PLD1: variants seen among roughly 807,000 people sequenced by gnomAD.
PLD1 encodes choline phosphatase 1.
In PLD1, 112 loss-of-function variants were observed where a neutral mutation model predicts 137.1. That is an observed-to-expected ratio of 0.82 (90% CI 0.70 to 0.96). The LOEUF is 0.96. PLD1 is among the 40% of genes least tolerant of loss of function. The pLI is 0.00. For missense variants in PLD1, 1,321 were observed against 1,342.0 expected (o/e 0.98, Z 0.24); for synonymous variants, 431 against 454.7 (o/e 0.95, Z 0.66).
intron 21 of PLD1, among the ~76,000 whole-genome samples, chr3:171,646,885 G>C (rs1046502419): frequency 1.3e-5 from 2 of 152,166 alleles, no homozygotes; most frequent in Non-Finnish European, 1.5e-5. Flanking sequence ...TTGTTCAGAG[G>C]TACACCTTCC....
At chr3:171,700,851 T>C (rs1716182911) in intron 11 of PLD1, among the ~76,000 whole-genome samples, 1 of 152,188 alleles carries the variant, frequency 6.6e-6, no homozygotes, top group Admixed American at 6.5e-5. Context: ...ATTTTTCCCC[T>C]GGGGCTGGGT....
At chr3:171,610,307 T>A (rs1407635688) in intron 25 of PLD1, among the ~76,000 whole-genome samples, 1 of 152,188 alleles carries the variant, frequency 6.6e-6, no homozygotes, top group Non-Finnish European at 1.5e-5. Flanking sequence ...CTCGATGACA[T>A]GGAAAATGTG....
intron 18 of PLD1, 69 bp from the exon 19 acceptor site, chr3:171,674,682 T>C (rs999657961): frequency 2.2e-5 from 20 of 928,604 alleles, no homozygotes; most frequent in Middle Eastern, 5.0e-4. Flanking sequence ...TTTGTGATTA[T>C]AAAAGAAATT....
rs200819903 is a variant in PLD1, at chr3:171,738,099, C to T, written c.-31-17G>A. ...GCAAAGGGGCTAGGAAAGAAGAAAA[C>T]GGTTACAAAGACTTAGCATTTTGAT... On this transcript the variant is annotated splice_polypyrimidine_tract_variant and intron_variant, in intron 1 of 26. Coordinates refer to ENST00000351298, the MANE Select transcript of PLD1 (RefSeq NM_002662.5). 109 of 1,469,090 alleles carry T rather than the reference C, an allele frequency of 7.4e-5. No individual in the cohort carries two copies. The South Asian group carries it at 9.1e-4, about 12-fold the overall frequency. The allele number at this position is 1,469,090 out of a possible 1,614,324, so 91.0% of individuals were successfully genotyped here. A position where few individuals can be genotyped will look rare whatever the true frequency, so the allele number is the denominator to read the frequency against.
intron 1 of PLD1, among the ~76,000 whole-genome samples, chr3:171,764,924 GGAAAGAAAGGAAAGAAAGAAA>G (rs1440205256): frequency 0.036 from 737 of 20,440 alleles, 97 homozygotes; most frequent in African/African-American, 0.091. Context: ...AAGAAAGAAA[GGAAAGAAAGGAAAGAAAGAAA>G]GAAAGAAAGA....
intron 21 of PLD1, among the ~76,000 whole-genome samples, chr3:171,652,485 G>A (rs1736865480): frequency 6.6e-6 from 1 of 151,122 alleles, no homozygotes; most frequent in Non-Finnish European, 1.5e-5. Context: ...AGCCCAACAT[G>A]TCTTTTCAGT....
chr3:171,642,885 T>G lies in PLD1; in HGVS notation c.2548A>C (p.Met850Leu). 6.3e-7 allele frequency: 1 copy of G among 1,578,634 alleles called. No homozygotes were observed. Reference sequence around the variant, plus strand: ...AGGATGGAATTTTCTCCTCTGCACATGGTTCTGAAAATATGTAAAGGAGAA... The same window carrying G: ...AGGATGGAATTTTCTCCTCTGCACAGGGTTCTGAAAATATGTAAAGGAGAA... ...QAIMHFNYRTMCRGENSILGQ... is the reference protein window; with the variant it reads ...QAIMHFNYRTLCRGENSILGQ... Residue 850 changes from methionine (M) to leucine (L), a missense_variant, in exon 23 of 27, where the codon ATG becomes CTG. By Grantham distance (15) the Met-to-Leu change is conservative. Transcript: ENST00000351298.
At chr3:171,742,720 A>G (rs536192420) in intron 1 of PLD1, among the ~76,000 whole-genome samples, 1 of 152,352 alleles carries the variant, frequency 6.6e-6, no homozygotes, top group Admixed American at 6.5e-5. Context: ...CAGCAACTCT[A>G]TATCTGGAAC....
chr3:171,690,982 G>A (rs945974841), intron 13 of PLD1, among the ~76,000 whole-genome samples: 10 of 151,902 alleles, frequency 6.6e-5, no homozygotes, highest in African/African-American at 1.9e-4. Flanking sequence ...CATATATTTC[G>A]ATTATCTGTT....
chr3:171,612,501 C>T lies in PLD1; in HGVS notation c.2729-69G>A. On this transcript the variant is annotated intron_variant, in intron 24 of 26. Coordinates refer to ENST00000351298, the MANE Select transcript of PLD1 (RefSeq NM_002662.5). This position sits in a 1 kb window ranked among gnomAD's most constrained non-coding sequence, Gnocchi z 4.1. ...CAGACACTGTTGGTTGCCCTCCCAA[C>T]TCAATTCATCCTTGCAAACAAAACC... is the stretch of plus-strand genomic sequence containing the variant. The T allele has an allele frequency of 5.6e-6, 8 of 1,423,802 alleles. No individual in the cohort carries two copies. The highest frequency in any genetic ancestry group is 1.7e-5 in the Admixed American group (1 of 57,906). The allele number at this position is 1,423,802 out of a possible 1,614,324, so 88.2% of individuals were successfully genotyped here. A position where few individuals can be genotyped will look rare whatever the true frequency, so the allele number is the denominator to read the frequency against.
intron 5 of PLD1, among the ~76,000 whole-genome samples, chr3:171,734,024 G>A (rs1405333798): frequency 6.6e-6 from 1 of 152,032 alleles, no homozygotes; most frequent in African/African-American, 2.4e-5. Flanking sequence ...TATAGGCTTG[G>A]GGCACTGGAG....
chr3:171,737,715 T>C, intron 2 of PLD1, 56 bp from the exon 3 acceptor site: 1 of 1,364,814 alleles, frequency 7.3e-7, no homozygotes, highest in Non-Finnish European at 1.0e-6. Context: ...AACTTGTCTT[T>C]TACAGGCATT....
At chr3:171,764,998 GAAA>G (rs1721873693) in intron 1 of PLD1, 1 of 133,354 alleles carries the variant, frequency 7.5e-6, no homozygotes, top group Non-Finnish European at 1.6e-5. Context: ...AAGAAAGAAA[GAAA>G]GAAAGAGAAA....
chr3:171,697,073 C>T (rs1715767036), intron 12 of PLD1, among the ~76,000 whole-genome samples: 1 of 152,078 alleles, frequency 6.6e-6, no homozygotes, highest in Non-Finnish European at 1.5e-5. Flanking sequence ...AGGTGGAAGC[C>T]AGGCCTGCAG....
At chr3:171,787,346 A>G (rs528671888) in intron 1 of PLD1, among the ~76,000 whole-genome samples, 1 of 152,292 alleles carries the variant, frequency 6.6e-6, no homozygotes, top group East Asian at 1.9e-4. Context: ...GGAATAGATT[A>G]TCTACCCTGA....
At chr3:171,692,941 T>C (rs1251533742) in intron 12 of PLD1, among the ~76,000 whole-genome samples, 1 of 152,222 alleles carries the variant, frequency 6.6e-6, no homozygotes, top group Non-Finnish European at 1.5e-5. Flanking sequence ...AATAAAAATC[T>C]ATCTCCCTTC....
chr3:171,714,128 T>C (rs543642555), intron 8 of PLD1, 83 bp from the exon 9 acceptor site: 93 of 829,330 alleles, frequency 1.1e-4, no homozygotes, highest in Non-Finnish European at 1.7e-4. Context: ...AAGTCTTAAG[T>C]AATCACTCTG....
intron 1 of PLD1, among the ~76,000 whole-genome samples, chr3:171,746,025 C>CT (rs36099839): frequency 0.36 from 54,854 of 151,904 alleles, 11,007 homozygotes; most frequent in African/African-American, 0.52. Flanking sequence ...GGCTTAGCAC[C>CT]GGGCAAGCAG....
At chr3:171,757,282 G>C (rs1721092321) in intron 1 of PLD1, among the ~76,000 whole-genome samples, 1 of 152,138 alleles carries the variant, frequency 6.6e-6, no homozygotes, top group East Asian at 1.9e-4. Flanking sequence ...AACTACAAAA[G>C]TATGTGTCAC....
Sources: gnomAD v4.1 joint callset for allele counts (sites outside exome capture counted in the v4.1 genomes callset) on GRCh38, gnomAD v4.1.1 for gene constraint, Gnocchi (gnomAD v3.1) non-coding constraint, MANE v1.5 for transcripts, NCBI Gene and HGNC (gene_info 2026-07-23, HGNC 2026-07-21) for gene names.